The following FRMD5 variants were observed in gnomAD, a reference collection of about 807,000 sequenced individuals.
FRMD5 encodes FERM domain-containing protein 5.
A neutral mutation model predicts 69.0 loss-of-function variants in FRMD5; 20 were observed. The ratio of observed to expected loss-of-function variants is 0.29; its 90% CI spans 0.20 to 0.42. The LOEUF is 0.42. Ranked by LOEUF, FRMD5 falls within the 10% of genes least tolerant of loss-of-function variation. The probability of loss-of-function intolerance (pLI) is 1.00; values close to 1 mark genes in which losing one functional copy is unlikely to be tolerated. For synonymous variants in FRMD5, 271 were observed against 260.1 expected (o/e 1.04, Z -0.40); for missense variants, 595 against 708.6 (o/e 0.84, Z 1.82).
intron 1 of FRMD5, among the ~76,000 whole-genome samples, chr15:44,108,115 T>C (rs1057486102): frequency 1.3e-5 from 2 of 152,140 alleles, no homozygotes; most frequent in Non-Finnish European, 2.9e-5. Flanking sequence ...TTTTAAAAGG[T>C]ATAAAAACAA....
chr15:44,088,639 A>G (rs1037984083), intron 1 of FRMD5, among the ~76,000 whole-genome samples: 1 of 152,214 alleles, frequency 6.6e-6, no homozygotes, highest in South Asian at 2.1e-4. Context: ...ACTGAAGTTA[A>G]GAGGAGAGAA....
chr15:44,034,134 G>C (rs1891809528), intron 1 of FRMD5, among the ~76,000 whole-genome samples: 1 of 152,148 alleles, frequency 6.6e-6, no homozygotes, highest in Non-Finnish European at 1.5e-5. Context: ...CTTGGCAATA[G>C]TCTGGGCATG....
intron 1 of FRMD5, among the ~76,000 whole-genome samples, chr15:43,930,524 G>A (rs2089656550): frequency 6.6e-6 from 1 of 152,226 alleles, no homozygotes; most frequent in Admixed American, 6.5e-5. Flanking sequence ...GCTCCTGGAG[G>A]AGTGGTGAGG....
chr15:43,919,825 C>A lies in FRMD5; in HGVS notation c.208-16G>T. 1 of 1,612,440 alleles carries A rather than the reference C, an allele frequency of 6.2e-7. No individual in the cohort carries two copies. Among genetic ancestry groups the A allele is most frequent in the Non-Finnish European group, 8.5e-7 (1 of 1,178,496 alleles). On this transcript the variant is annotated splice_polypyrimidine_tract_variant and intron_variant, in intron 2 of 13. Coordinates refer to ENST00000417257, the MANE Select transcript of FRMD5 (RefSeq NM_032892.5). Reference sequence around the variant, plus strand: ...CCAGCCAATGCTGAAACAGAGAACACAGAACATGAAAACCCTAATGAGAAG... The same window carrying A: ...CCAGCCAATGCTGAAACAGAGAACAAAGAACATGAAAACCCTAATGAGAAG...
chr15:44,037,596 T>C (rs904367724), intron 1 of FRMD5, among the ~76,000 whole-genome samples: 17 of 151,548 alleles, frequency 1.1e-4, no homozygotes, highest in Non-Finnish European at 2.4e-4. Flanking sequence ...GCCTCCCAAG[T>C]AGCTGGGACT....
At position 43,987,171 on chromosome 15, in the gene FRMD5, G is replaced by T. The variant is rs76222615; in HGVS notation, c.103-62862C>A. On this transcript the variant is annotated intron_variant, in intron 1 of 13. Transcript: ENST00000417257. The stretch of plus-strand genomic sequence containing the variant: ...TTAAGCCAATTAATAACCCTACTAC[G>T]GCCTCTAAGTGTTCAAGTGAAAGGA... Among the ~76,000 whole-genome samples, 165 of 152,120 alleles carry T rather than the reference G, an allele frequency of 1.1e-3. 1 individual carries two copies. The highest frequency in any genetic ancestry group is 1.9e-3 in the Non-Finnish European group (128 of 68,002).
At chr15:44,070,897 C>T (rs1402906784) in intron 1 of FRMD5, among the ~76,000 whole-genome samples, 1 of 152,158 alleles carries the variant, frequency 6.6e-6, no homozygotes, top group African/African-American at 2.4e-5. Context: ...AACTTTCAAA[C>T]GTTAGTCTTG....
chr15:44,160,047 G>T (rs1276376321), intron 1 of FRMD5, among the ~76,000 whole-genome samples: 2 of 152,182 alleles, frequency 1.3e-5, no homozygotes, highest in Non-Finnish European at 2.9e-5. Flanking sequence ...CTGACATTTA[G>T]TTCTCATAGA....
chr15:43,924,059 GCTA>G lies in FRMD5; in HGVS notation c.207+143_207+145del, dbSNP rs2089540823. On this transcript the variant is annotated intron_variant, in intron 2 of 13. Coordinates refer to ENST00000417257, the MANE Select transcript of FRMD5 (RefSeq NM_032892.5). Reference sequence around the variant, plus strand: ...AGCCAAGGTGCCTTCCAGGTCTAATGCTATGATCTGAAGAGACGACATCCAACT... The same window carrying G: ...AGCCAAGGTGCCTTCCAGGTCTAATGTGATCTGAAGAGACGACATCCAACT... The G allele has an allele frequency of 1.8e-5, 12 of 682,230 alleles. No individual in the cohort carries two copies. In the South Asian group the frequency reaches 2.2e-4, roughly 12 times the overall value. 42.3% of individuals were successfully genotyped at this position (682,230 alleles called of 1,614,324 possible).
chr15:44,025,005 G>A (rs1018303476), intron 1 of FRMD5, among the ~76,000 whole-genome samples: 1 of 152,186 alleles, frequency 6.6e-6, no homozygotes, highest in Non-Finnish European at 1.5e-5. Context: ...CAAACTAGCT[G>A]TATGAATTTG....
At chr15:44,001,974 G>A (rs1212783104) in intron 1 of FRMD5, among the ~76,000 whole-genome samples, 2 of 152,062 alleles carry the variant, frequency 1.3e-5, no homozygotes, top group East Asian at 3.9e-4. Context: ...ACCTGCCTCA[G>A]CCTCCCAAAG....
At chr15:43,987,340 A>C (rs1374402065) in intron 1 of FRMD5, among the ~76,000 whole-genome samples, 1 of 152,208 alleles carries the variant, frequency 6.6e-6, no homozygotes. Context: ...ATGGATATTC[A>C]AAGTGCTACT....
intron 1 of FRMD5, among the ~76,000 whole-genome samples, chr15:43,996,132 C>G (rs1889911364): frequency 1.3e-5 from 2 of 151,884 alleles, no homozygotes; most frequent in South Asian, 4.2e-4. Flanking sequence ...CTGGGCTGTT[C>G]TGGAACCTGG....
At chr15:44,059,050 T>C (rs1892986109) in intron 1 of FRMD5, among the ~76,000 whole-genome samples, 1 of 152,192 alleles carries the variant, frequency 6.6e-6, no homozygotes, top group Non-Finnish European at 1.5e-5. Context: ...CCTGTGCAAC[T>C]GGCAGAGAAG....
chr15:43,909,891 T>C lies in FRMD5; in HGVS notation c.418A>G (p.Ile140Val), dbSNP rs1418352215. ...TGTCAAAAGTCATTACCTTGAAGGA[T>C]GTAAGCTGCTAACAAGGCAGCATCC... ...TSDAALLAAYILQAEIGDYDS... is the reference protein window; with the variant it reads ...TSDAALLAAYVLQAEIGDYDS... Residue 140 changes from isoleucine to valine, a missense_variant, in exon 5 of 14, where the codon ATC (isoleucine) becomes GTC (valine). By Grantham distance (29) the Ile-to-Val change is conservative (BLOSUM62 3). This residue lies in a region of FRMD5 where 79 missense variants were observed against 139.9 expected (regional missense o/e 0.56). Coordinates refer to ENST00000417257, the MANE Select transcript of FRMD5 (RefSeq NM_032892.5). 1 of 1,607,840 alleles carries C rather than the reference T, an allele frequency of 6.2e-7. No homozygotes were observed. Among genetic ancestry groups the C allele is most frequent in the Non-Finnish European group, 8.5e-7 (1 of 1,174,540 alleles).
chr15:43,951,404 A>G (rs1415657483), intron 1 of FRMD5, among the ~76,000 whole-genome samples: 3 of 148,720 alleles, frequency 2.0e-5, no homozygotes, highest in Admixed American at 2.0e-4. Context: ...CCTGGGCCAC[A>G]GGGTGAGACT....
rs2089108422 is a variant in FRMD5 at position 43,903,945 on chromosome 15, T to C, written c.552-1683A>G. Among the ~76,000 whole-genome samples the C allele has an allele frequency of 3.9e-5, 6 of 152,216 alleles. No individual in the cohort carries two copies. In the South Asian group the frequency reaches 1.2e-3, roughly 32 times the overall value. On this transcript the variant is annotated intron_variant, in intron 6 of 13. Transcript: ENST00000417257. ...CCCCAACACCACAGGCCCGTGTTTATTCTGATTTTTACCACAAGGGGTCGC... is the reference window on the plus strand; with the variant it reads ...CCCCAACACCACAGGCCCGTGTTTACTCTGATTTTTACCACAAGGGGTCGC...
chr15:44,147,458 C>T (rs76699180), intron 1 of FRMD5, among the ~76,000 whole-genome samples: 2,652 of 152,124 alleles, frequency 0.017, 82 homozygotes, highest in African/African-American at 0.061. Flanking sequence ...GCTATAGGGG[C>T]TCTTTTTTGG....
At chr15:43,986,121 A>G (rs889862758) in intron 1 of FRMD5, among the ~76,000 whole-genome samples, 1 of 152,272 alleles carries the variant, frequency 6.6e-6, no homozygotes, top group Non-Finnish European at 1.5e-5. Context: ...TCTTCAGTTC[A>G]CAACATAAAT....
Sources: allele counts gnomAD v4.1 joint callset (sites outside exome capture counted in the v4.1 genomes callset), GRCh38; gene constraint gnomAD v4.1.1; regional missense constraint gnomAD v4.1.1; transcripts MANE v1.5; gene names NCBI Gene and HGNC (gene_info 2026-07-23, HGNC 2026-07-21).